The following CD84 variants were observed in gnomAD, a reference collection of about 807,000 sequenced individuals.
CD84 encodes the protein SLAM family member 5.
In CD84, 22 loss-of-function variants were observed where a neutral mutation model predicts 33.8. That is an observed-to-expected ratio of 0.65 (90% CI 0.46 to 0.93). CD84 has a LOEUF of 0.93. Among genes scored for constraint, CD84 ranks in the 40% least tolerant of loss-of-function variants. CD84 has a pLI of 0.00. For missense variants in CD84, 400 were observed against 397.6 expected (o/e 1.01, Z -0.05); for synonymous variants, 154 against 145.2 (o/e 1.06, Z -0.44).
chr1:160,551,726 G>A (rs1571348809), intron 4 of CD84, among the ~76,000 whole-genome samples: 1 of 152,060 alleles, frequency 6.6e-6, no homozygotes, highest in Admixed American at 6.5e-5. Context: ...TGTATTTTTG[G>A]TAGAGACAGG....
intron 2 of CD84, among the ~76,000 whole-genome samples, chr1:160,564,445 G>A (rs916997013): frequency 5.9e-5 from 9 of 152,138 alleles, no homozygotes; most frequent in African/African-American, 2.2e-4. Flanking sequence ...CTTATTTCAT[G>A]CAGAAATGTG....
At chr1:160,550,001 C>G (rs776580121) in intron 5 of CD84, 22 bp from the exon 6 acceptor site, 1 of 1,544,834 alleles carries the variant, frequency 6.5e-7, no homozygotes, top group Non-Finnish European at 8.9e-7. Flanking sequence ...ACATCTTCCC[C>G]TCAGTGAGGG....
chr1:160,553,784 C>T (rs911312359), intron 3 of CD84, 111 bp downstream of exon 3: 20 of 1,533,252 alleles, frequency 1.3e-5, no homozygotes, highest in Non-Finnish European at 1.5e-5. Flanking sequence ...AGTGACCAGG[C>T]CAAAGATAAA....
intron 2 of CD84, among the ~76,000 whole-genome samples, chr1:160,561,859 T>G (rs527475407): frequency 2.6e-5 from 4 of 152,238 alleles, no homozygotes; most frequent in African/African-American, 9.6e-5. Flanking sequence ...AATGTTCCTA[T>G]ACACCAACAG....
chr1:160,579,445 A>T lies in CD84; in HGVS notation c.-8T>A, dbSNP rs1349792328. On this transcript the variant is annotated 5_prime_UTR_variant, in exon 1 of 7. Coordinates refer to ENST00000368054, the MANE Select transcript of CD84 (RefSeq NM_003874.4). The stretch of plus-strand genomic sequence containing the variant: ...TAGGTGGTGCTGAGCCATCTCTTTC[A>T]GGGTCTAACCTTCTGTGGAAAAGCA... The T allele has an allele frequency of 1.2e-6, 2 of 1,613,042 alleles. No individual in the cohort carries two copies. The highest frequency in any genetic ancestry group is 1.3e-5 in the African/African-American group (1 of 74,972).
In CD84 at chr1:160,546,823, A is replaced by C; in HGVS notation, c.*1433T>G. On this transcript the variant is annotated 3_prime_UTR_variant, in exon 7 of 7. Transcript: ENST00000368054. ...GCTGGAATTGTCTCCTGAGCTACAC[A>C]AGAGCAGACATTATGCACATCTTCT... 3.5e-6 allele frequency: 1 copy of C among 284,392 alleles called. No homozygotes were observed. Among genetic ancestry groups the C allele is most frequent in the East Asian group, 5.9e-5 (1 of 16,880 alleles). The allele number at this position is 284,392 out of a possible 1,614,324, so 17.6% of individuals were successfully genotyped here.
intron 2 of CD84, among the ~76,000 whole-genome samples, chr1:160,560,157 A>T (rs1656856837): frequency 6.6e-6 from 1 of 152,170 alleles, no homozygotes; most frequent in Non-Finnish European, 1.5e-5. Flanking sequence ...GTAGACCTCT[A>T]CAGAACTCTC....
chr1:160,576,765 C>T (rs2102215426), intron 1 of CD84, among the ~76,000 whole-genome samples: 1 of 152,218 alleles, frequency 6.6e-6, no homozygotes, highest in African/African-American at 2.4e-5. Context: ...TGCACATAAA[C>T]CGTATCTATC....
At chr1:160,550,200 T>C (rs766495468) in intron 5 of CD84, among the ~76,000 whole-genome samples, 33 of 149,936 alleles carry the variant, frequency 2.2e-4, no homozygotes, top group Non-Finnish European at 4.2e-4. Context: ...GTCTCGGGGG[T>C]GAAAAACCTC....
chr1:160,579,472 G>C lies in CD84; in HGVS notation c.-35C>G. ...GGTCTAACCTTCTGTGGAAAAGCAC[G>C]GCACTGTTCTAGCAGAGTCAGTTTC... is the stretch of plus-strand genomic sequence containing the variant. On this transcript the variant is annotated 5_prime_UTR_variant, in exon 1 of 7. Transcript: ENST00000368054. 1.2e-6 allele frequency: 2 copies of C among 1,611,972 alleles called. No homozygotes were observed. The highest frequency in any genetic ancestry group is 1.7e-6 in the Non-Finnish European group (2 of 1,178,734).
chr1:160,550,423 G>A (rs1181937323), intron 5 of CD84, among the ~76,000 whole-genome samples: 1 of 152,050 alleles, frequency 6.6e-6, no homozygotes, highest in African/African-American at 2.4e-5. Context: ...GTGGAGGGGA[G>A]GGAGGGGCAG....
intron 1 of CD84, among the ~76,000 whole-genome samples, chr1:160,576,168 C>T (rs900034729): frequency 2.6e-5 from 4 of 152,072 alleles, no homozygotes; most frequent in Non-Finnish European, 5.9e-5. Context: ...AGCATACTTC[C>T]ACAGGTATGC....
intron 2 of CD84, among the ~76,000 whole-genome samples, chr1:160,555,200 C>T (rs1656522734): frequency 6.6e-6 from 1 of 151,760 alleles, no homozygotes; most frequent in South Asian, 2.1e-4. Flanking sequence ...CCTGCCTCAG[C>T]CTCCCGAGGA....
intron 2 of CD84, among the ~76,000 whole-genome samples, chr1:160,562,656 C>A (rs1163412845): frequency 6.6e-6 from 1 of 152,062 alleles, no homozygotes; most frequent in Non-Finnish European, 1.5e-5. Context: ...AGGACATAGG[C>A]ACGGGCACAG....
intron 1 of CD84, among the ~76,000 whole-genome samples, chr1:160,577,478 C>T (rs768152093): frequency 2.6e-5 from 4 of 152,138 alleles, no homozygotes; most frequent in Non-Finnish European, 5.9e-5. Flanking sequence ...AACAAGCTCC[C>T]ATTCCCCTTT....
intron 6 of CD84, among the ~76,000 whole-genome samples, chr1:160,549,341 C>T (rs1001220643): frequency 4.6e-5 from 7 of 152,158 alleles, no homozygotes; most frequent in Admixed American, 4.6e-4. Flanking sequence ...TGAGGACCTT[C>T]AGATAGTGAC....
intron 4 of CD84, chr1:160,552,929 A>C: frequency 1.7e-6 from 1 of 602,758 alleles, no homozygotes; most frequent in Non-Finnish European, 3.0e-6. Context: ...AATGATCCAG[A>C]GGGATTCAGA....
chr1:160,552,687 T>C (rs534260655), intron 4 of CD84: 4 of 1,536,584 alleles, frequency 2.6e-6, no homozygotes, highest in East Asian at 2.4e-5. Context: ...TCAAGGAACT[T>C]TGTGGCTGAG....
intron 1 of CD84, among the ~76,000 whole-genome samples, chr1:160,576,939 A>G (rs929743772): frequency 2.0e-5 from 3 of 152,172 alleles, no homozygotes; most frequent in Non-Finnish European, 4.4e-5. Context: ...AGAGAAAAGG[A>G]AGAATTAAGA....
Sources: allele counts gnomAD v4.1 joint callset (sites outside exome capture counted in the v4.1 genomes callset), GRCh38; gene constraint gnomAD v4.1.1; transcripts MANE v1.5; gene names NCBI Gene and HGNC (gene_info 2026-07-23, HGNC 2026-07-21).